ADGRL4: variants seen among roughly 807,000 people sequenced by gnomAD.
The protein encoded by ADGRL4 is adhesion G protein-coupled receptor L4.
Under a neutral mutation model 74.8 loss-of-function variants are expected in ADGRL4, and 90 were observed. That is an observed-to-expected ratio of 1.20 (90% confidence interval 1.02 to 1.43). ADGRL4 has a LOEUF of 1.43. Ranked by LOEUF, ADGRL4 falls within the 40% of genes most tolerant of loss-of-function variation. The pLI is 0.00. For synonymous variants in ADGRL4, 311 were observed against 279.2 expected, an observed-to-expected ratio of 1.11 and a Z score of -1.14; for missense variants, 881 against 814.3, an observed-to-expected ratio of 1.08 and a Z score of -1.00.
At chr1:78,945,515 T>C (rs2100694913) in intron 3 of ADGRL4, among the ~76,000 whole-genome samples, 1 of 152,290 alleles carries the variant, frequency 6.6e-6, no homozygotes, top group East Asian at 1.9e-4. Context: ...AATTTGCTTC[T>C]GAAAATTATT....
intron 8 of ADGRL4, among the ~76,000 whole-genome samples, chr1:78,923,057 T>C (rs1649034823): frequency 6.6e-6 from 1 of 151,852 alleles, no homozygotes; most frequent in African/African-American, 2.4e-5. Flanking sequence ...GGAAAGATAA[T>C]TGAGTTAAAA....
intron 2 of ADGRL4, among the ~76,000 whole-genome samples, chr1:78,949,718 C>T (rs1649683327): frequency 6.6e-6 from 1 of 152,040 alleles, no homozygotes; most frequent in Non-Finnish European, 1.5e-5. Context: ...ACTCTTATTT[C>T]TAATGTTCAA....
chr1:78,944,674 A>G (rs1414005590), intron 3 of ADGRL4, among the ~76,000 whole-genome samples: 1 of 152,204 alleles, frequency 6.6e-6, no homozygotes, highest in Admixed American at 6.5e-5. Context: ...TAAGTATTCC[A>G]TGGAAATAAC....
intron 13 of ADGRL4, among the ~76,000 whole-genome samples, 164 bp downstream of exon 13, chr1:78,892,934 T>A (rs1395974508): frequency 6.6e-6 from 1 of 151,904 alleles, no homozygotes; most frequent in Non-Finnish European, 1.5e-5. Flanking sequence ...GTAATTGTAG[T>A]CTTAATATAC....
intron 2 of ADGRL4, among the ~76,000 whole-genome samples, chr1:78,966,179 G>T (rs1412222421): frequency 6.6e-6 from 1 of 152,158 alleles, no homozygotes; most frequent in Non-Finnish European, 1.5e-5. Flanking sequence ...GCCATGGGAA[G>T]TTCATGCCCT....
rs577581447 is a variant in ADGRL4, at chr1:78,891,184, A to G, written c.2043T>C (p.Asn681=). Residue 681 remains asparagine (N), a synonymous_variant, in exon 15 of 15, where the codon AAT becomes AAC. Coordinates refer to ENST00000370742, the MANE Select transcript of ADGRL4 (RefSeq NM_022159.4). ...TTAAACATCCAAAACAACAGGGGAC[A>G]TTTTTGAACAATCTGTAATATTCTT... ...IQEEYYRLFK[N]VPCCFGCLR 1.4e-5 allele frequency: 23 copies of G among 1,611,292 alleles called. No homozygotes were observed. Among genetic ancestry groups the G allele is most frequent in the Middle Eastern group, 3.3e-4 (2 of 6,044 alleles).
At chr1:78,967,153 C>T (rs1252504404) in intron 2 of ADGRL4, among the ~76,000 whole-genome samples, 1 of 152,160 alleles carries the variant, frequency 6.6e-6, no homozygotes, top group African/African-American at 2.4e-5. Context: ...GAAATAAAAA[C>T]AGCCTTAAAA....
At chr1:78,951,919 G>A (rs930692699) in intron 2 of ADGRL4, among the ~76,000 whole-genome samples, 4 of 152,106 alleles carry the variant, frequency 2.6e-5, no homozygotes, top group East Asian at 1.9e-4. Flanking sequence ...GAGTCCCCTA[G>A]TAATGAAACA....
intron 8 of ADGRL4, among the ~76,000 whole-genome samples, chr1:78,922,168 A>G (rs1649014465): frequency 6.6e-6 from 1 of 152,064 alleles, no homozygotes; most frequent in Non-Finnish European, 1.5e-5. Context: ...TGTTGACATT[A>G]AATTCTAGTT....
chr1:78,981,298 C>A (rs745774216), intron 2 of ADGRL4, among the ~76,000 whole-genome samples: 2 of 151,758 alleles, frequency 1.3e-5, no homozygotes, highest in African/African-American at 4.8e-5. Flanking sequence ...TGAATGAATG[C>A]GAAGTGTTTC....
chr1:78,992,960 G>T (rs1282506160), intron 2 of ADGRL4, among the ~76,000 whole-genome samples: 1 of 151,980 alleles, frequency 6.6e-6, no homozygotes, highest in Non-Finnish European at 1.5e-5. Flanking sequence ...AATTATCCTG[G>T]ATAATACATT....
At chr1:78,949,215 T>C (rs1054681204) in intron 2 of ADGRL4, among the ~76,000 whole-genome samples, 22 of 152,256 alleles carry the variant, frequency 1.4e-4, no homozygotes, top group African/African-American at 5.3e-4. Flanking sequence ...AACCACTTTA[T>C]ATCACCTAAC....
intron 9 of ADGRL4, 85 bp from the exon 10 acceptor site, chr1:78,920,471 T>C (rs1392424854): frequency 1.5e-5 from 11 of 754,768 alleles, no homozygotes; most frequent in Middle Eastern, 3.9e-4. Context: ...ACTTCCTTTT[T>C]TGGTGAAACA....
chr1:78,989,570 T>A (rs1165192497), intron 2 of ADGRL4, among the ~76,000 whole-genome samples: 1 of 151,816 alleles, frequency 6.6e-6, no homozygotes, highest in African/African-American at 2.4e-5. Flanking sequence ...CTTCTAGGTA[T>A]GTCCCGAAGT....
chr1:78,897,317 T>C (rs914272595), intron 12 of ADGRL4, among the ~76,000 whole-genome samples: 7 of 152,120 alleles, frequency 4.6e-5, no homozygotes, highest in Admixed American at 4.6e-4. Context: ...TAAGTCAGTT[T>C]AGAGAGAATC....
intron 2 of ADGRL4, among the ~76,000 whole-genome samples, chr1:78,952,748 A>T (rs1377453341): frequency 6.6e-6 from 1 of 152,208 alleles, no homozygotes; most frequent in Non-Finnish European, 1.5e-5. Context: ...GAGTTATACA[A>T]GAATAAAATG....
At chr1:78,923,378 A>C (rs904472440) in intron 8 of ADGRL4, among the ~76,000 whole-genome samples, 1 of 152,074 alleles carries the variant, frequency 6.6e-6, no homozygotes, top group Non-Finnish European at 1.5e-5. Flanking sequence ...GGATTGGCCC[A>C]AAATAAACTG....
At chr1:78,978,967 C>T (rs1650347368) in intron 2 of ADGRL4, among the ~76,000 whole-genome samples, 1 of 151,740 alleles carries the variant, frequency 6.6e-6, no homozygotes, top group African/African-American at 2.4e-5. Context: ...TAGTATTTAA[C>T]ACTAGCAGCA....
chr1:78,970,633 G>A (rs1032786245), intron 2 of ADGRL4, among the ~76,000 whole-genome samples: 1 of 152,100 alleles, frequency 6.6e-6, no homozygotes, highest in African/African-American at 2.4e-5. Flanking sequence ...AGGAAACAAG[G>A]GATGCCTGCT....
Sources: gnomAD v4.1 joint callset for allele counts (sites outside exome capture counted in the v4.1 genomes callset) on GRCh38, gnomAD v4.1.1 for gene constraint, MANE v1.5 for transcripts, NCBI Gene and HGNC (gene_info 2026-07-23, HGNC 2026-07-21) for gene names.